The following LPP variants were observed in gnomAD, a reference collection of about 807,000 sequenced individuals.
The protein encoded by LPP is lipoma-preferred partner.
A neutral mutation model predicts 60.4 loss-of-function variants in LPP; 38 were observed. The ratio of observed to expected loss-of-function variants is 0.63; its 90% CI spans 0.49 to 0.83. LPP has a LOEUF of 0.83. Among genes scored for constraint, LPP ranks in the 40% least tolerant of loss-of-function variants. The pLI is 0.00. For synonymous variants in LPP, 328 were observed against 290.8 expected (o/e 1.13, Z -1.30); for missense variants, 902 against 783.6 (o/e 1.15, Z -1.80).
intron 3 of LPP, among the ~76,000 whole-genome samples, chr3:188,367,254 A>G (rs567864277): frequency 1.3e-5 from 2 of 152,174 alleles, no homozygotes; most frequent in East Asian, 3.9e-4. Context: ...AGAAGAGAGA[A>G]AGTTCCCCTT....
chr3:188,678,138 G>T (rs1858538500), intron 7 of LPP, among the ~76,000 whole-genome samples: 1 of 152,100 alleles, frequency 6.6e-6, no homozygotes, highest in African/African-American at 2.4e-5. Flanking sequence ...TTAACACATT[G>T]CTTTATAGTT....
At chr3:188,749,576 A>G (rs1727409544) in intron 8 of LPP, among the ~76,000 whole-genome samples, 1 of 152,130 alleles carries the variant, frequency 6.6e-6, no homozygotes, top group Non-Finnish European at 1.5e-5. Flanking sequence ...CCATTTATGC[A>G]GGTAATATGG....
chr3:188,869,666 G>A (rs754395879), intron 10 of LPP, among the ~76,000 whole-genome samples: 4 of 152,148 alleles, frequency 2.6e-5, no homozygotes, highest in Non-Finnish European at 4.4e-5. Context: ...GTTAAACTTT[G>A]GATTTTAATT....
intron 3 of LPP, among the ~76,000 whole-genome samples, chr3:188,355,424 C>A (rs1247554953): frequency 1.3e-5 from 2 of 152,136 alleles, no homozygotes; most frequent in Non-Finnish European, 2.9e-5. Flanking sequence ...GTTTAGAAGT[C>A]ATTCCATTAC....
At chr3:188,181,977 T>C (rs1248963163) in intron 1 of LPP, among the ~76,000 whole-genome samples, 1 of 152,248 alleles carries the variant, frequency 6.6e-6, no homozygotes, top group Non-Finnish European at 1.5e-5. Flanking sequence ...AACCCAGATA[T>C]AATTACTGGC....
chr3:188,512,592 T>TAAATAAATA (rs1202000749), intron 5 of LPP, among the ~76,000 whole-genome samples: 1 of 151,402 alleles, frequency 6.6e-6, no homozygotes, highest in African/African-American at 2.4e-5. Flanking sequence ...AATAAATAAA[T>TAAATAAATA]AAAGTTCCCA....
At chr3:188,734,037 T>C (rs1204198066) in intron 8 of LPP, among the ~76,000 whole-genome samples, 4 of 152,156 alleles carry the variant, frequency 2.6e-5, no homozygotes, top group Non-Finnish European at 5.9e-5. Context: ...CTCATTACTT[T>C]TAACGTTTGC....
chr3:188,278,327 C>A (rs1489170474), intron 2 of LPP, among the ~76,000 whole-genome samples: 2 of 152,154 alleles, frequency 1.3e-5, no homozygotes, highest in African/African-American at 4.8e-5. Flanking sequence ...TGATATTCGT[C>A]CCCTGGCCTT....
chr3:188,252,089 CACAT>C (rs1273711972), intron 2 of LPP, among the ~76,000 whole-genome samples: 12 of 122,952 alleles, frequency 9.8e-5, no homozygotes, highest in Admixed American at 5.1e-4. Flanking sequence ...CACACACACA[CACAT>C]ATATCAGATT....
chr3:188,340,468 C>T (rs1258728154), intron 2 of LPP, among the ~76,000 whole-genome samples: 1 of 90,736 alleles, frequency 1.1e-5, no homozygotes, highest in Non-Finnish European at 2.1e-5. Context: ...ATGTTCTTTT[C>T]TTAACCTGTT....
At chr3:188,623,025 C>G (rs62289961) in intron 7 of LPP, among the ~76,000 whole-genome samples, 2 of 76,264 alleles carry the variant, frequency 2.6e-5, no homozygotes, top group African/African-American at 5.2e-5. Context: ...GAGACTCCAT[C>G]TTAAAAAAAA....
Position 188,875,108 on chromosome 3 carries a change from AC to A in LPP, c.*631del, listed in dbSNP as rs746431707. The A allele has an allele frequency of 2.7e-5, 6 of 218,798 alleles. No homozygotes were observed. Among genetic ancestry groups the A allele is most frequent in the Non-Finnish European group, 5.5e-5 (6 of 108,954 alleles). The allele number at this position is 218,798 out of a possible 1,614,324, so 13.6% of individuals were successfully genotyped here. ...CCATCAGAATTCAGAATCTATAGTGACCAGTGATCAAGGCTAATTGGAAAAG... is the reference window on the plus strand; with the variant it reads ...CCATCAGAATTCAGAATCTATAGTGACAGTGATCAAGGCTAATTGGAAAAG... On this transcript the variant is annotated 3_prime_UTR_variant, in exon 12 of 12. Coordinates refer to ENST00000617246, the MANE Select transcript of LPP (RefSeq NM_001375462.1).
intron 9 of LPP, among the ~76,000 whole-genome samples, chr3:188,770,256 G>A (rs912937361): frequency 7.8e-6 from 1 of 127,978 alleles, no homozygotes. Flanking sequence ...TCGGCTCACC[G>A]CAAGCTCCAC....
intron 6 of LPP, among the ~76,000 whole-genome samples, chr3:188,599,905 A>C (rs965948227): frequency 5.3e-5 from 8 of 151,884 alleles, no homozygotes; most frequent in Non-Finnish European, 1.2e-4. Context: ...TTTCGTGCAT[A>C]ATATTTGAGA....
At chr3:188,802,833 A>G (rs966471949) in intron 9 of LPP, among the ~76,000 whole-genome samples, 7 of 152,126 alleles carry the variant, frequency 4.6e-5, no homozygotes, top group African/African-American at 1.7e-4. Flanking sequence ...GGATAAATTT[A>G]CATATCATAA....
At chr3:188,645,832 T>C (rs573583208) in intron 7 of LPP, among the ~76,000 whole-genome samples, 52 of 151,640 alleles carry the variant, frequency 3.4e-4, no homozygotes, top group African/African-American at 9.7e-4. Flanking sequence ...AGAAAATAAA[T>C]TCCTTAAATA....
intron 2 of LPP, among the ~76,000 whole-genome samples, chr3:188,292,655 A>G (rs560959461): frequency 1.8e-4 from 28 of 152,330 alleles, no homozygotes; most frequent in African/African-American, 6.7e-4. Context: ...TATTAGCATC[A>G]TGTACTAGAG....
rs139762080 is a variant in LPP at position 188,659,810 on chromosome 3, G to GCACACACACA, written c.1114-48436_1114-48427dup. Among the ~76,000 whole-genome samples, 601 of 128,586 alleles carry GCACACACACA rather than the reference G, an allele frequency of 4.7e-3. 3 individuals carry two copies. Among genetic ancestry groups the GCACACACACA allele is most frequent in the African/African-American group, 0.015 (550 of 37,780 alleles). The allele number at this position is 128,586 out of a possible 152,430, so 84.4% of individuals were successfully genotyped here. A position where few individuals can be genotyped will look rare whatever the true frequency, so the allele number is the denominator to read the frequency against. ...TTCTCCTTGTGGGGTTAGATCCTAT[G>GCACACACACA]CACACACACACACACACACACACAC... On this transcript the variant is annotated intron_variant, in intron 7 of 11. Coordinates refer to ENST00000617246, the MANE Select transcript of LPP (RefSeq NM_001375462.1).
chr3:188,721,068 A>T (rs1427416891), intron 8 of LPP, among the ~76,000 whole-genome samples: 1 of 152,180 alleles, frequency 6.6e-6, no homozygotes, highest in African/African-American at 2.4e-5. Context: ...GAGCATCTTC[A>T]TAATTTTTTT....
Sources: gnomAD v4.1 joint callset for allele counts (sites outside exome capture counted in the v4.1 genomes callset) on GRCh38, gnomAD v4.1.1 for gene constraint, MANE v1.5 for transcripts, NCBI Gene and HGNC (gene_info 2026-07-23, HGNC 2026-07-21) for gene names.